Variants in CCSER1 observed in about 807,000 individuals in gnomAD.
CCSER1 encodes the protein serine-rich coiled-coil domain-containing protein 1.
Under a neutral mutation model 82.0 loss-of-function variants are expected in CCSER1, and 41 were observed. The ratio of observed to expected loss-of-function variants is 0.50; its 90% CI spans 0.39 to 0.65. CCSER1 has a LOEUF of 0.65. CCSER1 is among the 30% of genes least tolerant of loss of function. The pLI, the probability that CCSER1 is intolerant of heterozygous loss-of-function variation, is 0.00. For synonymous variants in CCSER1, 414 were observed against 383.9 expected (o/e 1.08, Z -0.92); for missense variants, 1,119 against 1,064.2 (o/e 1.05, Z -0.72).
chr4:90,271,848 ATATATATATATATATTTTT>A (rs1726444596), intron 1 of CCSER1, among the ~76,000 whole-genome samples: 2 of 23,342 alleles, frequency 8.6e-5, no homozygotes, highest in South Asian at 1.9e-3. Context: ...ATATATATAT[ATATATATATATATATTTTT>A]TTTTTTTTTT....
At chr4:90,699,900 G>A (rs1399418) in intron 6 of CCSER1, among the ~76,000 whole-genome samples, 91,601 of 151,752 alleles carry the variant, frequency 0.6, 27,844 homozygotes, top group African/African-American at 0.68. Context: ...CCATGTGAGC[G>A]CATAGCTAGC....
chr4:90,382,734 A>G (rs996292275), intron 3 of CCSER1, among the ~76,000 whole-genome samples: 1 of 152,092 alleles, frequency 6.6e-6, no homozygotes, highest in Non-Finnish European at 1.5e-5. Flanking sequence ...ATGATTCAGT[A>G]AGTGTAATTC....
At chr4:91,082,870 C>T (rs1212194525) in intron 9 of CCSER1, among the ~76,000 whole-genome samples, 1 of 152,176 alleles carries the variant, frequency 6.6e-6, no homozygotes, top group African/African-American at 2.4e-5. Context: ...GATACCATCT[C>T]ACACCAGTTA....
At chr4:90,184,109 G>A (rs1250013737) in intron 1 of CCSER1, among the ~76,000 whole-genome samples, 1 of 152,096 alleles carries the variant, frequency 6.6e-6, no homozygotes, top group Non-Finnish European at 1.5e-5. Flanking sequence ...GTTAAATTGT[G>A]AATATATGTC....
chr4:90,785,349 G>T (rs1754354203), intron 7 of CCSER1, among the ~76,000 whole-genome samples: 1 of 152,100 alleles, frequency 6.6e-6, no homozygotes, highest in African/African-American at 2.4e-5. Flanking sequence ...TGTACATTAA[G>T]GGTCAACTGT....
intron 10 of CCSER1, among the ~76,000 whole-genome samples, chr4:91,373,549 T>C (rs1490028643): frequency 1.3e-5 from 2 of 152,142 alleles, no homozygotes; most frequent in African/African-American, 4.8e-5. Context: ...TACATAAATG[T>C]TCTGTGGGTT....
At chr4:90,402,762 C>CA (rs1429048581) in intron 4 of CCSER1, among the ~76,000 whole-genome samples, 4 of 152,220 alleles carry the variant, frequency 2.6e-5, no homozygotes, top group Admixed American at 1.3e-4. Context: ...TACTTGGGGA[C>CA]AAAATCAACC....
At chr4:90,227,833 C>G (rs2153425091) in intron 1 of CCSER1, among the ~76,000 whole-genome samples, 1 of 152,316 alleles carries the variant, frequency 6.6e-6, no homozygotes, top group East Asian at 1.9e-4. Context: ...TCAGGGAGTT[C>G]CCTTTCCTAG....
intron 9 of CCSER1, among the ~76,000 whole-genome samples, chr4:90,972,398 G>A (rs1735195880): frequency 6.6e-6 from 1 of 151,450 alleles, no homozygotes; most frequent in South Asian, 2.1e-4. Flanking sequence ...TATCCAAAAT[G>A]AAATTAAGAC....
At chr4:91,094,127 G>T (rs1724254540) in intron 10 of CCSER1, among the ~76,000 whole-genome samples, 2 of 152,142 alleles carry the variant, frequency 1.3e-5, no homozygotes, top group Admixed American at 6.5e-5. Context: ...ATACCCATCT[G>T]CCGTGGAGTG....
At chr4:91,286,494 G>A (rs959220225) in intron 10 of CCSER1, among the ~76,000 whole-genome samples, 8 of 151,560 alleles carry the variant, frequency 5.3e-5, no homozygotes, top group African/African-American at 1.7e-4. Context: ...CTCAATTTCC[G>A]ATGGGTTTAT....
intron 5 of CCSER1, among the ~76,000 whole-genome samples, chr4:90,531,399 T>C (rs993462626): frequency 6.7e-5 from 10 of 148,412 alleles, no homozygotes; most frequent in African/African-American, 2.5e-4. Flanking sequence ...CAGGTTTCTT[T>C]TTTTTTTTTT....
At chr4:90,511,757 A>C (rs1373908032) in intron 5 of CCSER1, among the ~76,000 whole-genome samples, 2 of 152,204 alleles carry the variant, frequency 1.3e-5, no homozygotes, top group African/African-American at 4.8e-5. Context: ...AAATGATGGT[A>C]TGGGAGGCAG....
intron 10 of CCSER1, among the ~76,000 whole-genome samples, chr4:91,443,721 A>G (rs1170775010): frequency 6.7e-6 from 1 of 148,320 alleles, no homozygotes; most frequent in Non-Finnish European, 1.5e-5. Context: ...AAGTATAGAG[A>G]AAACTATATG....
intron 4 of CCSER1, among the ~76,000 whole-genome samples, chr4:90,411,733 A>G (rs1267608703): frequency 1.3e-5 from 2 of 152,202 alleles, no homozygotes; most frequent in East Asian, 3.8e-4. Context: ...GCCCTCTCTC[A>G]CCACTCCTAT....
At chr4:90,343,014 T>A (rs1413590639) in intron 3 of CCSER1, among the ~76,000 whole-genome samples, 1 of 151,904 alleles carries the variant, frequency 6.6e-6, no homozygotes, top group Non-Finnish European at 1.5e-5. Flanking sequence ...CTTCACTGCA[T>A]TTTCCCCCAA....
chr4:90,738,155 T>C (rs2149432044), intron 7 of CCSER1, among the ~76,000 whole-genome samples: 1 of 152,314 alleles, frequency 6.6e-6, no homozygotes, highest in African/African-American at 2.4e-5. Context: ...TTGATGCTTG[T>C]GGATATTCAT....
intron 5 of CCSER1, among the ~76,000 whole-genome samples, chr4:90,521,298 A>G (rs1773098876): frequency 6.6e-6 from 1 of 152,236 alleles, no homozygotes; most frequent in African/African-American, 2.4e-5. Flanking sequence ...AAAGAAGGAC[A>G]AAAGGACCAA....
chr4:91,441,487 A>G (rs530842272), intron 10 of CCSER1, among the ~76,000 whole-genome samples: 5 of 152,244 alleles, frequency 3.3e-5, no homozygotes, highest in South Asian at 2.1e-4. Context: ...AATAAGAGCT[A>G]TCTATGACAA....
Sources: gnomAD v4.1 joint callset for allele counts (sites outside exome capture counted in the v4.1 genomes callset) on GRCh38, gnomAD v4.1.1 for gene constraint, MANE v1.5 for transcripts, NCBI Gene and HGNC (gene_info 2026-07-23, HGNC 2026-07-21) for gene names.